ARHGAP20: variants seen among roughly 807,000 people sequenced by gnomAD.
ARHGAP20 encodes rho GTPase-activating protein 20.
A neutral mutation model predicts 73.7 loss-of-function variants in ARHGAP20; 34 were observed. The observed-to-expected ratio is 0.46, with a 90% CI of 0.35 to 0.61. The LOEUF is 0.61. Among genes scored for constraint, ARHGAP20 ranks in the 20% least tolerant of loss-of-function variants. ARHGAP20 has a pLI of 0.00. For synonymous variants in ARHGAP20, 523 were observed against 518.2 expected (o/e 1.01, Z -0.13); for missense variants, 1,314 against 1,420.9 (o/e 0.92, Z 1.21).
At chr11:110,667,284 G>C (rs555596313) in intron 2 of ARHGAP20, among the ~76,000 whole-genome samples, 2 of 152,242 alleles carry the variant, frequency 1.3e-5, no homozygotes, top group Non-Finnish European at 2.9e-5. Flanking sequence ...TAATGCAGCT[G>C]GTGACTTTAA....
At chr11:110,631,798 T>C (rs752143135) in intron 2 of ARHGAP20, among the ~76,000 whole-genome samples, 3 of 152,188 alleles carry the variant, frequency 2.0e-5, no homozygotes, top group Non-Finnish European at 2.9e-5. Context: ...TCCTGTACAG[T>C]ATGTTAAATC....
At position 110,580,314 on chromosome 11, in the gene ARHGAP20, A is replaced by T. The variant is rs778465083; in HGVS notation, c.2632T>A (p.Leu878Met). ...TTGAGATAATCCTCCTCTCCATGCA[A>T]GAGACCAGCTTCACAGCTGGTTTTA... ...QHKTSCEAGLLHGEEDYLKRH... is the reference protein window; with the variant it reads ...QHKTSCEAGLMHGEEDYLKRH... The change falls in exon 15 of 15, where the codon TTG becomes ATG. Residue 878 changes from leucine (L) to methionine (M), a missense_variant. Transcript: ENST00000683387. The T allele has an allele frequency of 2.0e-5, 33 of 1,614,130 alleles. No homozygotes were observed. Among genetic ancestry groups the T allele is most frequent in the Non-Finnish European group, 8.5e-7 (1 of 1,180,042 alleles).
chr11:110,583,877 A>G (rs1947542873), intron 12 of ARHGAP20, 140 bp from the exon 13 acceptor site: 2 of 618,658 alleles, frequency 3.2e-6, no homozygotes, highest in Admixed American at 3.8e-5. Flanking sequence ...ACATGGTACC[A>G]TACAAAGTGA....
chr11:110,655,823 G>A (rs1295002495), intron 2 of ARHGAP20, among the ~76,000 whole-genome samples: 11 of 152,118 alleles, frequency 7.2e-5, no homozygotes, highest in Non-Finnish European at 1.6e-4. Flanking sequence ...AAGGCTATGT[G>A]ATTGTCTCTA....
chr11:110,677,919 T>C (rs1949965147), intron 2 of ARHGAP20, among the ~76,000 whole-genome samples: 1 of 152,156 alleles, frequency 6.6e-6, no homozygotes, highest in Admixed American at 6.5e-5. Flanking sequence ...CAAAAACTTA[T>C]ACATGAATGT....
intron 1 of ARHGAP20, among the ~76,000 whole-genome samples, chr11:110,702,959 C>T (rs1039814798): frequency 3.9e-5 from 6 of 152,102 alleles, no homozygotes; most frequent in East Asian, 3.9e-4. Flanking sequence ...GCCATACTGC[C>T]CAAGGTAATT....
At chr11:110,622,764 G>A (rs534360401) in intron 4 of ARHGAP20, among the ~76,000 whole-genome samples, 2 of 152,104 alleles carry the variant, frequency 1.3e-5, no homozygotes, top group Non-Finnish European at 2.9e-5. Flanking sequence ...TGGAGTTAAA[G>A]GTTTTTGGGA....
At position 110,663,838 on chromosome 11, in the gene ARHGAP20, T is replaced by A. The variant is rs1053212776; in HGVS notation, c.188+26709A>T. Among the ~76,000 whole-genome samples, 10 of 152,020 alleles carry A rather than the reference T, an allele frequency of 6.6e-5. No individual in the cohort carries two copies. The South Asian group carries it at 2.1e-3, about 32-fold the overall frequency. ...CCAACACCTCTCATGAATACAGAGGTAAAAATTCTAAAAATACCCATCAGC... is the reference window on the plus strand; with the variant it reads ...CCAACACCTCTCATGAATACAGAGGAAAAAATTCTAAAAATACCCATCAGC... On this transcript the variant is annotated intron_variant, in intron 2 of 14. Coordinates refer to ENST00000683387, the MANE Select transcript of ARHGAP20 (RefSeq NM_001384657.1).
rs150736878 is a variant in ARHGAP20, at chr11:110,593,045, T to C, written c.965-890A>G. On this transcript the variant is annotated intron_variant, in intron 9 of 14. Transcript: ENST00000683387. The stretch of plus-strand genomic sequence containing the variant: ...AGTAAATCACATCTGGTCAATAAGA[T>C]GGAGGGGGTGATCTTGGGGGTGTTT... Among the ~76,000 whole-genome samples, 110 of 152,042 alleles carry C rather than the reference T, an allele frequency of 7.2e-4. 2 individuals are homozygous for C. In the South Asian group the frequency reaches 9.4e-3, roughly 13 times the overall value.
chr11:110,685,332 T>C (rs1950111341), intron 2 of ARHGAP20, among the ~76,000 whole-genome samples: 1 of 152,052 alleles, frequency 6.6e-6, no homozygotes, highest in Non-Finnish European at 1.5e-5. Context: ...AACACAGAAG[T>C]GAACACTACT....
chr11:110,656,000 TTG>T (rs1565461578), intron 2 of ARHGAP20, among the ~76,000 whole-genome samples: 1 of 152,130 alleles, frequency 6.6e-6, no homozygotes, highest in Non-Finnish European at 1.5e-5. Context: ...CTTAATTTGT[TTG>T]TGTGTTTTGC....
intron 1 of ARHGAP20, among the ~76,000 whole-genome samples, chr11:110,709,056 G>A (rs562228933): frequency 6.6e-6 from 1 of 152,236 alleles, no homozygotes; most frequent in Admixed American, 6.5e-5. Context: ...CTAATTAGGA[G>A]AGAGGAAACT....
chr11:110,637,199 T>C (rs1948986095), intron 2 of ARHGAP20, among the ~76,000 whole-genome samples: 1 of 152,100 alleles, frequency 6.6e-6, no homozygotes, highest in Non-Finnish European at 1.5e-5. Context: ...GGTACAGTTT[T>C]AGAGACAGTG....
At chr11:110,690,822 T>G (rs1182922153) in intron 1 of ARHGAP20, 193 bp from the exon 2 acceptor site, 8 of 866,918 alleles carry the variant, frequency 9.2e-6, no homozygotes, top group Non-Finnish European at 1.2e-5. Flanking sequence ...ACAGTAAGTG[T>G]CAAAAAGTGG....
chr11:110,669,782 C>T (rs1318802269), intron 2 of ARHGAP20, among the ~76,000 whole-genome samples: 2 of 152,090 alleles, frequency 1.3e-5, no homozygotes, highest in Non-Finnish European at 2.9e-5. Context: ...TACCTTACAA[C>T]CCAGCCATTC....
At chr11:110,651,945 C>T (rs1393092098) in intron 2 of ARHGAP20, among the ~76,000 whole-genome samples, 16 of 151,990 alleles carry the variant, frequency 1.1e-4, no homozygotes, top group African/African-American at 3.6e-4. Flanking sequence ...AAAAAGAAAA[C>T]TTCAGGTCAA....
intron 9 of ARHGAP20, among the ~76,000 whole-genome samples, chr11:110,601,858 C>A (rs1255270907): frequency 1.3e-5 from 2 of 151,806 alleles, no homozygotes; most frequent in African/African-American, 2.4e-5. Context: ...TATTTGGTGG[C>A]AGGCGCCTGT....
chr11:110,712,305 G>A lies in ARHGAP20; in HGVS notation c.-74C>T, dbSNP rs1283095655. 3.8e-5 allele frequency: 46 copies of A among 1,199,346 alleles called. No homozygotes were observed. Among genetic ancestry groups the A allele is most frequent in the Admixed American group, 8.5e-5 (2 of 23,540 alleles). 74.3% of individuals were successfully genotyped at this position (1,199,346 alleles called of 1,614,324 possible). ...ATGTCCGCGGGCTGCCGGCCGGAGG[G>A]GCGAGGACGCGCGGGCGGAGGCGCG... On this transcript the variant is annotated 5_prime_UTR_variant, in exon 1 of 15. Transcript: ENST00000683387.
rs757593310 is a variant in ARHGAP20, at chr11:110,579,397, C to A, written c.3549G>T (p.Glu1183Asp). 2 of 1,600,630 alleles carry A rather than the reference C, an allele frequency of 1.2e-6. No homozygotes were observed. The highest frequency in any genetic ancestry group is 1.7e-6 in the Non-Finnish European group (2 of 1,169,298). ...AAATGTCTTTGGTTAAATACCTGTC[C>A]TCAATGTCGCAGACCACTGTAGGCC... ...DSGPTVVCDI[E>D]DRYLTKDI Residue 1183 changes from glutamate to aspartate, a missense_variant, in exon 15 of 15, where the codon GAG becomes GAT. Physicochemically the swap from Glu to Asp is conservative, Grantham distance 45 (BLOSUM62 2). Transcript: ENST00000683387.
Sources: allele counts gnomAD v4.1 joint callset (sites outside exome capture counted in the v4.1 genomes callset), GRCh38; gene constraint gnomAD v4.1.1; transcripts MANE v1.5; gene names NCBI Gene and HGNC (gene_info 2026-07-23, HGNC 2026-07-21).